The following SLC39A11 variants were observed in gnomAD, a reference collection of about 807,000 sequenced individuals.
SLC39A11 encodes zinc transporter ZIP11.
A neutral mutation model predicts 36.1 loss-of-function variants in SLC39A11; 33 were observed. The ratio of observed to expected loss-of-function variants is 0.91; its 90% CI spans 0.69 to 1.22. SLC39A11 has a LOEUF of 1.22. SLC39A11 is among the 50% of genes most tolerant of loss of function. The pLI is 0.00. For missense variants in SLC39A11, 432 were observed against 430.3 expected (o/e 1.00, Z -0.03); for synonymous variants, 166 against 170.3 (o/e 0.97, Z 0.20).
chr17:72,775,604 T>C (rs1412310215), intron 6 of SLC39A11, among the ~76,000 whole-genome samples: 2 of 152,070 alleles, frequency 1.3e-5, no homozygotes, highest in Non-Finnish European at 2.9e-5. Flanking sequence ...GCAATCAGAT[T>C]ATTCAGGAGC....
chr17:72,805,546 G>A (rs947184394), intron 6 of SLC39A11, among the ~76,000 whole-genome samples: 9 of 152,232 alleles, frequency 5.9e-5, no homozygotes, highest in African/African-American at 1.9e-4. Context: ...TCAGGAGTGC[G>A]GGAGGCCTGG....
intron 5 of SLC39A11, among the ~76,000 whole-genome samples, chr17:72,864,718 T>A (rs191213895): frequency 6.6e-6 from 1 of 152,190 alleles, no homozygotes; most frequent in East Asian, 1.9e-4. Flanking sequence ...ATTCCCTCCC[T>A]GCCTAAGAGC....
intron 7 of SLC39A11, among the ~76,000 whole-genome samples, chr17:72,671,118 A>T (rs2071004331): frequency 6.6e-6 from 1 of 152,156 alleles, no homozygotes; most frequent in Non-Finnish European, 1.5e-5. Flanking sequence ...CCTACAAGAG[A>T]TCCCCTCTTT....
chr17:72,889,234 G>T (rs2081594584), intron 5 of SLC39A11, among the ~76,000 whole-genome samples: 1 of 152,178 alleles, frequency 6.6e-6, no homozygotes, highest in African/African-American at 2.4e-5. Flanking sequence ...ATATTACATG[G>T]CCAGATGCAG....
intron 6 of SLC39A11, among the ~76,000 whole-genome samples, chr17:72,838,736 G>C (rs1303120041): frequency 6.6e-6 from 1 of 152,162 alleles, no homozygotes; most frequent in Non-Finnish European, 1.5e-5. Flanking sequence ...GTGTGAGATG[G>C]AGTAGGGTCA....
chr17:73,039,221 G>A (rs79361604), intron 3 of SLC39A11, among the ~76,000 whole-genome samples: 5,862 of 152,102 alleles, frequency 0.039, 127 homozygotes, highest in Middle Eastern at 0.082. Flanking sequence ...AATATGCAAC[G>A]GGTCAGTGCT....
intron 5 of SLC39A11, among the ~76,000 whole-genome samples, chr17:72,939,786 G>C (rs1169748241): frequency 2.0e-5 from 3 of 152,170 alleles, no homozygotes; most frequent in Admixed American, 6.5e-5. Context: ...AACTGTAAGG[G>C]AATACGTTTC....
chr17:72,714,409 T>G (rs2073254447), intron 7 of SLC39A11, among the ~76,000 whole-genome samples: 1 of 151,684 alleles, frequency 6.6e-6, no homozygotes, highest in African/African-American at 2.4e-5. Flanking sequence ...TTTTTGCCAA[T>G]GAAATGGCAA....
chr17:73,055,015 G>A (rs1230163964), intron 3 of SLC39A11, among the ~76,000 whole-genome samples: 3 of 152,092 alleles, frequency 2.0e-5, no homozygotes, highest in Non-Finnish European at 4.4e-5. Flanking sequence ...AGGGCTTTGG[G>A]AGCCAGGTCC....
chr17:72,948,115 G>A (rs1036838621), intron 4 of SLC39A11, among the ~76,000 whole-genome samples: 2 of 152,210 alleles, frequency 1.3e-5, no homozygotes, highest in African/African-American at 4.8e-5. Flanking sequence ...TAAAAAGTCA[G>A]TGCTGATCCT....
At chr17:72,666,995 T>C (rs1416822412) in intron 7 of SLC39A11, among the ~76,000 whole-genome samples, 1 of 152,196 alleles carries the variant, frequency 6.6e-6, no homozygotes, top group Admixed American at 6.5e-5. Flanking sequence ...CCTTCAGAGC[T>C]GATAATGTCC....
chr17:72,833,142 T>TA (rs1428494288), intron 6 of SLC39A11, among the ~76,000 whole-genome samples: 3 of 152,228 alleles, frequency 2.0e-5, no homozygotes, highest in Admixed American at 2.0e-4. Flanking sequence ...CAGTCTCCAT[T>TA]ATAATCAAAT....
intron 3 of SLC39A11, among the ~76,000 whole-genome samples, chr17:73,061,536 A>C (rs2059839648): frequency 6.6e-6 from 1 of 152,232 alleles, no homozygotes; most frequent in Non-Finnish European, 1.5e-5. Flanking sequence ...GATTTATCCA[A>C]GTCAAATCAC....
At chr17:73,081,691 A>G (rs144402388) in intron 3 of SLC39A11, among the ~76,000 whole-genome samples, 74 of 144,524 alleles carry the variant, frequency 5.1e-4, no homozygotes, top group Non-Finnish European at 7.8e-4. Flanking sequence ...ACATATATGT[A>G]TATATGTATG....
intron 6 of SLC39A11, among the ~76,000 whole-genome samples, chr17:72,847,403 TAAAAA>T (rs5821924): frequency 7.1e-5 from 10 of 141,512 alleles, no homozygotes; most frequent in East Asian, 2.1e-4. Context: ...CTCTGTCTCA[TAAAAA>T]AAAAAAAAAA....
intron 4 of SLC39A11, among the ~76,000 whole-genome samples, chr17:72,959,120 G>T (rs150832798): frequency 6.6e-6 from 1 of 151,682 alleles, no homozygotes; most frequent in East Asian, 1.9e-4. Flanking sequence ...ATTCCTTAAA[G>T]AATTAAAAGT....
At chr17:72,771,556 T>C (rs1309510197) in intron 6 of SLC39A11, among the ~76,000 whole-genome samples, 1 of 151,952 alleles carries the variant, frequency 6.6e-6, no homozygotes, top group Non-Finnish European at 1.5e-5. Flanking sequence ...AGCTCCATGG[T>C]AGGATGGATT....
chr17:72,929,814 G>A (rs2084273704), intron 5 of SLC39A11, among the ~76,000 whole-genome samples: 1 of 152,102 alleles, frequency 6.6e-6, no homozygotes, highest in African/African-American at 2.4e-5. Flanking sequence ...ACTGCCAATT[G>A]GTTCTAAGAA....
In SLC39A11 at chr17:72,958,829, C is replaced by A. The variant is rs139785155; in HGVS notation, c.307-10954G>T. ...ATGTGCCACTGCACTCCAGCCTGGGCGACAGAGCGAGACTCTGTCTTAAAA... is the reference window on the plus strand; with the variant it reads ...ATGTGCCACTGCACTCCAGCCTGGGAGACAGAGCGAGACTCTGTCTTAAAA... On this transcript the variant is annotated intron_variant, in intron 4 of 9. Coordinates refer to ENST00000255559, the MANE Select transcript of SLC39A11 (RefSeq NM_139177.4). Among the ~76,000 whole-genome samples, 5 of 145,770 alleles carry A rather than the reference C, an allele frequency of 3.4e-5. No individual in the cohort carries two copies. The East Asian group carries it at 6.1e-4, about 18-fold the overall frequency.
Sources: gnomAD v4.1 joint callset for allele counts (sites outside exome capture counted in the v4.1 genomes callset) on GRCh38, gnomAD v4.1.1 for gene constraint, MANE v1.5 for transcripts, NCBI Gene and HGNC (gene_info 2026-07-23, HGNC 2026-07-21) for gene names.